Variants in PPP1R3C observed in about 807,000 individuals in gnomAD.
PPP1R3C encodes the protein protein phosphatase 1 regulatory subunit 3C.
PPP1R3C carries 20 observed loss-of-function variants against 29.3 expected under a neutral mutation model. The ratio of observed to expected loss-of-function variants is 0.68; its 90% CI spans 0.48 to 0.99. The LOEUF (loss-of-function observed/expected upper bound fraction) is 0.99. Among genes scored for constraint, PPP1R3C ranks in the 50% least tolerant of loss-of-function variants. The pLI is 0.00. For missense variants in PPP1R3C, 321 were observed against 386.0 expected (o/e 0.83, Z 1.41); for synonymous variants, 123 against 143.1 (o/e 0.86, Z 1.00).
In PPP1R3C at chr10:91,630,700, A is replaced by G. The variant is rs1252032729; in HGVS notation, c.181T>C (p.Cys61Arg). ...TTGGCTTTGTGTTTTATATTGAGAC[A>G]TGATTTCAGGGGCTTTAATTTATTC... ...FVNKLKPLKS[C>R]LNIKHKAKSQ... The change falls in exon 2 of 2, where the codon TGT (cysteine) becomes CGT (arginine). Residue 61 changes from cysteine (C) to arginine (R), a missense_variant. Physicochemically the swap from Cys to Arg is radical, Grantham distance 180. Coordinates refer to ENST00000238994, the MANE Select transcript of PPP1R3C (RefSeq NM_005398.7). This position sits in a 1 kb window ranked among gnomAD's most constrained non-coding sequence, Gnocchi z 4.4. 2 of 1,613,974 alleles carry G rather than the reference A, an allele frequency of 1.2e-6. No individual in the cohort carries two copies. Among genetic ancestry groups the G allele is most frequent in the South Asian group, 1.1e-5 (1 of 91,084 alleles).
chr10:91,630,401 C>T lies in PPP1R3C; in HGVS notation c.480G>A (p.Glu160=), dbSNP rs35530640. ...SHFQKNFVCL[E]NCSLQERTVT... The stretch of plus-strand genomic sequence containing the variant: ...CTGTTCGCTCTTGCAACGAGCAGTT[C>T]TCCAGACAGACAAAGTTCTTCTGAA... Residue 160 remains glutamate (E), a synonymous_variant, in exon 2 of 2, where the codon GAG becomes GAA. Transcript: ENST00000238994. This position sits in a 1 kb window ranked among gnomAD's most constrained non-coding sequence, Gnocchi z 4.4. 0.032 allele frequency: 51,938 copies of T among 1,614,168 alleles called. 987 individuals carry two copies. Among genetic ancestry groups the T allele is most frequent in the Non-Finnish European group, 0.038 (45,304 of 1,180,036 alleles).
rs1848731045 is a variant in PPP1R3C, at chr10:91,632,817, ATT to A, written c.14+137_14+138del. The A allele has an allele frequency of 3.1e-6, 4 of 1,305,982 alleles. No individual in the cohort carries two copies. The Admixed American group carries it at 8.0e-5, about 26-fold the overall frequency. 80.9% of individuals were successfully genotyped at this position (1,305,982 alleles called of 1,614,324 possible). ...ACCTCCAAGGCCTCTCGGTTGCCAG[ATT>A]CAACTACGCAGTCAGTCCACTTGTC... On this transcript the variant is annotated intron_variant, in intron 1 of 1. Coordinates refer to ENST00000238994, the MANE Select transcript of PPP1R3C (RefSeq NM_005398.7).
rs372071073 is a variant in PPP1R3C, at chr10:91,630,134, A to G, written c.747T>C (p.Asn249=). 1.5e-5 allele frequency: 25 copies of G among 1,614,164 alleles called. No homozygotes were observed. In the African/African-American group the frequency reaches 3.3e-4, roughly 22 times the overall value. ...HANGQVFWDN[N]DGQNYRIVHV... ...GAACAATTCTATAATTCTGACCATCATTGTTGTCCCAAAAGACTTGCCCAT... is the reference window on the plus strand; with the variant it reads ...GAACAATTCTATAATTCTGACCATCGTTGTTGTCCCAAAAGACTTGCCCAT... The change falls in exon 2 of 2, where the codon AAT becomes AAC. Residue 249 remains asparagine, a synonymous_variant. Coordinates refer to ENST00000238994, the MANE Select transcript of PPP1R3C (RefSeq NM_005398.7). The surrounding 1 kb of genome is among the most constrained non-coding windows in gnomAD (Gnocchi z 4.4).
At chr10:91,632,249 T>C (rs1848724639) in intron 1 of PPP1R3C, among the ~76,000 whole-genome samples, 2 of 152,204 alleles carry the variant, frequency 1.3e-5, no homozygotes, top group African/African-American at 4.8e-5. Context: ...CTGGGAGATC[T>C]GCAAACTTAG....
In PPP1R3C at chr10:91,630,949, G is replaced by A. The variant is rs940540277; in HGVS notation, c.15-83C>T. The A allele has an allele frequency of 3.2e-6, 4 of 1,255,562 alleles. No homozygotes were observed. Among genetic ancestry groups the A allele is most frequent in the Non-Finnish European group, 4.6e-6 (4 of 874,210 alleles). The allele number at this position is 1,255,562 out of a possible 1,614,324, so 77.8% of individuals were successfully genotyped here. On this transcript the variant is annotated intron_variant, in intron 1 of 1. Transcript: ENST00000238994. This position sits in a 1 kb window ranked among gnomAD's most constrained non-coding sequence, Gnocchi z 4.4. ...CCAAATACATATGTACTATTTTTGT[G>A]CTGACTGAATTATAGCCAGTGCACT...
chr10:91,630,275 G>C lies in PPP1R3C; in HGVS notation c.606C>G (p.Val202=). The C allele has an allele frequency of 6.2e-7, 1 of 1,614,076 alleles. No homozygotes were observed. Among genetic ancestry groups the C allele is most frequent in the Non-Finnish European group, 8.5e-7 (1 of 1,179,926 alleles). The change falls in exon 2 of 2, where the codon GTC becomes GTG. Residue 202 remains valine, a synonymous_variant. Coordinates refer to ENST00000238994, the MANE Select transcript of PPP1R3C (RefSeq NM_005398.7). This position sits in a 1 kb window ranked among gnomAD's most constrained non-coding sequence, Gnocchi z 4.4. ...TGCCACCATACACATTTTTCATATA[G>C]ACACAGTCTACGTCAGTGTAGTTTT... ...SWKNYTDVDC[V]YMKNVYGGTD...
In PPP1R3C at chr10:91,630,599, A is replaced by G. The variant is rs752008776; in HGVS notation, c.282T>C (p.Ser94=). The G allele has an allele frequency of 6.2e-7, 1 of 1,613,076 alleles. No homozygotes were observed. Among genetic ancestry groups the G allele is most frequent in the Non-Finnish European group, 8.5e-7 (1 of 1,179,190 alleles). The change falls in exon 2 of 2, where the codon TCT becomes TCC. Residue 94 remains serine (S), a synonymous_variant. Coordinates refer to ENST00000238994, the MANE Select transcript of PPP1R3C (RefSeq NM_005398.7). The surrounding 1 kb of genome is among the most constrained non-coding windows in gnomAD (Gnocchi z 4.4). ...CGGAGAAGACATGGATCGCAGTGAG[A>G]GAGAGGCCCTTGGAGTCAGCAAACA... ...RVVFADSKGL[S]LTAIHVFSDL... is the part of the protein sequence containing the mutation.
intron 1 of PPP1R3C, 144 bp downstream of exon 1, chr10:91,632,812 G>A: frequency 8.1e-7 from 1 of 1,232,648 alleles, no homozygotes; most frequent in South Asian, 1.3e-5. Flanking sequence ...CCTCTCGGTT[G>A]CCAGATTCAA....
At chr10:91,631,277 T>C (rs773743528) in intron 1 of PPP1R3C, among the ~76,000 whole-genome samples, 6 of 152,184 alleles carry the variant, frequency 3.9e-5, no homozygotes, top group Non-Finnish European at 7.3e-5. Flanking sequence ...CCTTCCCTCC[T>C]TCCTTCCTTT....
intron 1 of PPP1R3C, 126 bp downstream of exon 1, chr10:91,632,830 G>C: frequency 7.2e-7 from 1 of 1,390,318 alleles, no homozygotes. Flanking sequence ...CAACTACGCA[G>C]TCAGTCCACT....
rs1433729027 is a variant in PPP1R3C at position 91,632,965 on chromosome 10, C to A, written c.5G>T (p.Ser2Ile). 6.2e-7 allele frequency: 1 copy of A among 1,612,770 alleles called. No individual in the cohort carries two copies. The highest frequency in any genetic ancestry group is 2.2e-5 in the East Asian group (1 of 44,846). The change falls in exon 1 of 2, where the codon AGC (serine) becomes ATC (isoleucine). Residue 2 changes from serine to isoleucine, a missense_variant. Physicochemically the swap from Ser to Ile is moderately radical, Grantham distance 142. Transcript: ENST00000238994. ...GTTGCAGCGAACCTACCTGGTGCAG[C>A]TCATTAGGCAGAGAGGCGGCGGACC... M[S>I]CTRMIQVLDP...
At position 91,629,839 on chromosome 10, in the gene PPP1R3C, A is replaced by G; in HGVS notation, c.*88T>C. 7.2e-7 allele frequency: 1 copy of G among 1,387,082 alleles called. No homozygotes were observed. The highest frequency in any genetic ancestry group is 1.0e-6 in the Non-Finnish European group (1 of 986,394). 85.9% of individuals were successfully genotyped at this position (1,387,082 alleles called of 1,614,324 possible). A position where few individuals can be genotyped will look rare whatever the true frequency, so the allele number is the denominator to read the frequency against. On this transcript the variant is annotated 3_prime_UTR_variant, in exon 2 of 2. Transcript: ENST00000238994. ...TCAAATCTAAACCTACTGATGGAGT[A>G]GCAAAGGCTTCCTAAAATTGAGCAA...
In PPP1R3C at chr10:91,630,619, C is replaced by T. The variant is rs749373162; in HGVS notation, c.262G>A (p.Ala88Thr). ...HNQAKKRVVFADSKGLSLTAI... is the reference protein window; with the variant it reads ...HNQAKKRVVFTDSKGLSLTAI... ...GTGAGAGAGAGGCCCTTGGAGTCAG[C>T]AAACACAACGCGCTTCTTGGCTTGG... Residue 88 changes from alanine (A) to threonine (T), a missense_variant, in exon 2 of 2, where the codon GCT becomes ACT. Ala to Thr is a moderately conservative substitution (Grantham distance 58, BLOSUM62 0). Transcript: ENST00000238994. This position sits in a 1 kb window ranked among gnomAD's most constrained non-coding sequence, Gnocchi z 4.4. The T allele has an allele frequency of 1.2e-6, 2 of 1,611,530 alleles. No individual in the cohort carries two copies. Among genetic ancestry groups the T allele is most frequent in the Non-Finnish European group, 1.7e-6 (2 of 1,177,982 alleles).
At position 91,630,847 on chromosome 10, in the gene PPP1R3C, G is replaced by A. The variant is rs1848711040; in HGVS notation, c.34C>T (p.Pro12Ser). The A allele has an allele frequency of 1.2e-6, 2 of 1,612,368 alleles. No homozygotes were observed. The highest frequency in any genetic ancestry group is 2.2e-5 in the East Asian group (1 of 44,886). Residue 12 changes from proline (P) to serine (S), a missense_variant, in exon 2 of 2, where the codon CCA becomes TCA. By Grantham distance (74) the Pro-to-Ser change is moderately conservative (BLOSUM62 -1). Transcript: ENST00000238994. The surrounding 1 kb of genome is among the most constrained non-coding windows in gnomAD (Gnocchi z 4.4). ...SCTRMIQVLD[P>S]RPLTSSVMPV... Reference sequence around the variant, plus strand: ...ATGACCGAACTTGTCAAAGGACGTGGATCTAAAACCTGGATCATTCTGGAA... The same window carrying A: ...ATGACCGAACTTGTCAAAGGACGTGAATCTAAAACCTGGATCATTCTGGAA...
Position 91,630,345 on chromosome 10 carries a change from C to T in PPP1R3C, c.536G>A (p.Ser179Asn), listed in dbSNP as rs368998999. The change falls in exon 2 of 2, where the codon AGT becomes AAT. Residue 179 changes from serine (S) to asparagine (N), a missense_variant. Ser to Asn is a conservative substitution (Grantham distance 46, BLOSUM62 1). Transcript: ENST00000238994. The surrounding 1 kb of genome is among the most constrained non-coding windows in gnomAD (Gnocchi z 4.4). ...ACGGATCTGAACTTTCTTCTCAAAA[C>T]TCACATTTTTGACTTTAACAGTCCC... ...VTGTVKVKNV[S>N]FEKKVQIRIT... 6 of 1,614,072 alleles carry T rather than the reference C, an allele frequency of 3.7e-6. No homozygotes were observed. The highest frequency in any genetic ancestry group is 5.1e-6 in the Non-Finnish European group (6 of 1,180,050).
chr10:91,630,862 T>C lies in PPP1R3C; in HGVS notation c.19A>G (p.Ile7Val). 6.2e-7 allele frequency: 1 copy of C among 1,610,064 alleles called. No homozygotes were observed. Among genetic ancestry groups the C allele is most frequent in the Non-Finnish European group, 8.5e-7 (1 of 1,179,680 alleles). The change falls in exon 2 of 2, where the codon ATC becomes GTC. Residue 7 changes from isoleucine (I) to valine (V), a missense_variant. Coordinates refer to ENST00000238994, the MANE Select transcript of PPP1R3C (RefSeq NM_005398.7). The surrounding 1 kb of genome is among the most constrained non-coding windows in gnomAD (Gnocchi z 4.4). ...AAAGGACGTGGATCTAAAACCTGGATCATTCTGGAATGCAAAAAGAAGAGG... is the reference window on the plus strand; with the variant it reads ...AAAGGACGTGGATCTAAAACCTGGACCATTCTGGAATGCAAAAAGAAGAGG... MSCTRM[I>V]QVLDPRPLTS...
Position 91,629,869 on chromosome 10 carries a change from G to C in PPP1R3C, c.*58C>G. The C allele has an allele frequency of 6.4e-7, 1 of 1,571,870 alleles. No homozygotes were observed. Among genetic ancestry groups the C allele is most frequent in the Admixed American group, 1.7e-5 (1 of 59,898 alleles). ...AGGCTTCCTAAAATTGAGCAATACA[G>C]ACCTAGGATTGCATGGGGGAATATG... On this transcript the variant is annotated 3_prime_UTR_variant, in exon 2 of 2. Transcript: ENST00000238994.
chr10:91,630,056 A>C lies in PPP1R3C; in HGVS notation c.825T>G (p.Cys275Trp). 1 of 1,614,222 alleles carries C rather than the reference A, an allele frequency of 6.2e-7. No homozygotes were observed. The highest frequency in any genetic ancestry group is 8.5e-7 in the Non-Finnish European group (1 of 1,180,042). The change falls in exon 2 of 2, where the codon TGT (cysteine) becomes TGG (tryptophan). Residue 275 changes from cysteine (C) to tryptophan (W), a missense_variant. Coordinates refer to ENST00000238994, the MANE Select transcript of PPP1R3C (RefSeq NM_005398.7). This position sits in a 1 kb window ranked among gnomAD's most constrained non-coding sequence, Gnocchi z 4.4. ...TCTTAGGAGACGTCTGGTGGAATGCACAGTCCTGGGGTGCCATCTGTGTCT... is the reference window on the plus strand; with the variant it reads ...TCTTAGGAGACGTCTGGTGGAATGCCCAGTCCTGGGGTGCCATCTGTGTCT... ...GVQTQMAPQD[C>W]AFHQTSPKTE... is the part of the protein sequence containing the mutation.
intron 1 of PPP1R3C, among the ~76,000 whole-genome samples, chr10:91,631,591 C>T (rs923682796): frequency 6.6e-6 from 1 of 151,788 alleles, no homozygotes; most frequent in Admixed American, 6.6e-5. Context: ...GTCAAAGAAT[C>T]ATCTTTGCAC....
Sources: allele counts gnomAD v4.1 joint callset (sites outside exome capture counted in the v4.1 genomes callset), GRCh38; gene constraint gnomAD v4.1.1; non-coding constraint Gnocchi (gnomAD v3.1); transcripts MANE v1.5; gene names NCBI Gene and HGNC (gene_info 2026-07-23, HGNC 2026-07-21).